PHAF1: variants seen among roughly 807,000 people sequenced by gnomAD.
The protein encoded by PHAF1 is phagosome assembly factor 1.
In PHAF1, 23 loss-of-function variants were observed where a neutral mutation model predicts 63.1. That is an observed-to-expected ratio of 0.36 (90% CI 0.26 to 0.52). PHAF1 has a LOEUF of 0.52. PHAF1 is among the 20% of genes least tolerant of loss of function. The pLI is 0.93. For synonymous variants in PHAF1, 167 were observed against 185.0 expected (o/e 0.90, Z 0.79); for missense variants, 427 against 517.2 (o/e 0.83, Z 1.69).
chr16:67,145,284 C>A, intron 12 of PHAF1, 92 bp from the exon 13 acceptor site: 1 of 1,438,714 alleles, frequency 7.0e-7, no homozygotes, highest in Non-Finnish European at 9.6e-7. Context: ...AACCCCAGTG[C>A]AAAGGGACAC....
intron 10 of PHAF1, 78 bp downstream of exon 10, chr16:67,140,672 A>C (rs896291048): frequency 4.4e-6 from 5 of 1,135,638 alleles, no homozygotes; most frequent in Non-Finnish European, 6.7e-6. Flanking sequence ...GTGTGTCCAC[A>C]TGCAGCTGGA....
At chr16:67,146,107 G>A (rs1350949656) in intron 14 of PHAF1, among the ~76,000 whole-genome samples, 171 bp from the exon 15 acceptor site, 2 of 152,102 alleles carry the variant, frequency 1.3e-5, no homozygotes, top group African/African-American at 2.4e-5. Context: ...TCTGAGTTGA[G>A]TGAGACCATC....
chr16:67,121,065 A>C (rs1172068340), intron 2 of PHAF1, among the ~76,000 whole-genome samples: 1 of 152,294 alleles, frequency 6.6e-6, no homozygotes, highest in East Asian at 1.9e-4. Flanking sequence ...ATCTGATAGA[A>C]GACATGCTTA....
In PHAF1 at chr16:67,134,348, T is replaced by C. The variant is rs1021618679; in HGVS notation, c.549-7T>C. ...CAAGCCTCTGCTCATTCTGTGTCTG[T>C]CCCCAGGGCTCCCATGATGCCTCTG... On this transcript the variant is annotated splice_polypyrimidine_tract_variant and splice_region_variant and intron_variant, in intron 7 of 15. Coordinates refer to ENST00000219139, the MANE Select transcript of PHAF1 (RefSeq NM_025187.5). 2 of 1,611,322 alleles carry C rather than the reference T, an allele frequency of 1.2e-6. No individual in the cohort carries two copies. Among genetic ancestry groups the C allele is most frequent in the African/African-American group, 2.7e-5 (2 of 74,864 alleles).
chr16:67,131,593 G>T (rs1323673247), intron 4 of PHAF1, among the ~76,000 whole-genome samples: 2 of 152,232 alleles, frequency 1.3e-5, no homozygotes, highest in African/African-American at 4.8e-5. Context: ...GCTCAGAGGT[G>T]ATGTGACAGT....
At chr16:67,110,487 T>C (rs779439065) in intron 1 of PHAF1, among the ~76,000 whole-genome samples, 11 of 152,136 alleles carry the variant, frequency 7.2e-5, no homozygotes, top group Non-Finnish European at 1.5e-4. Flanking sequence ...AAGACAATAA[T>C]AGCTTGCTCT....
intron 8 of PHAF1, among the ~76,000 whole-genome samples, chr16:67,138,199 G>A (rs1963678681): frequency 6.6e-6 from 1 of 152,160 alleles, no homozygotes; most frequent in Non-Finnish European, 1.5e-5. Flanking sequence ...CTGAAGAAAT[G>A]TGTTAGGCCA....
At chr16:67,122,196 G>A (rs757935170) in intron 2 of PHAF1, among the ~76,000 whole-genome samples, 15 of 152,080 alleles carry the variant, frequency 9.9e-5, no homozygotes, top group Non-Finnish European at 1.6e-4. Flanking sequence ...CACCGTGACC[G>A]GCCAAAATGT....
At chr16:67,127,721 G>C (rs1019116098) in intron 3 of PHAF1, among the ~76,000 whole-genome samples, 7 of 151,996 alleles carry the variant, frequency 4.6e-5, no homozygotes, top group Non-Finnish European at 1.0e-4. Flanking sequence ...GCGTGAACCC[G>C]GGAGGCAGAG....
chr16:67,132,721 G>C (rs760800116), intron 5 of PHAF1, 96 bp from the exon 6 acceptor site: 1 of 1,233,138 alleles, frequency 8.1e-7, no homozygotes, highest in Non-Finnish European at 1.2e-6. Context: ...CCACAGGGAA[G>C]GTGTTGTCAG....
rs757074411 is a variant in PHAF1, at chr16:67,132,804, C to G, written c.356-13C>G. ...GTCAACCATGTTATTTTCTTCTCCC[C>G]CACCCCCAACAGTGTACAACTCCGC... On this transcript the variant is annotated splice_polypyrimidine_tract_variant and intron_variant, in intron 5 of 15. Transcript: ENST00000219139. 6.3e-7 allele frequency: 1 copy of G among 1,596,592 alleles called. No homozygotes were observed. Among genetic ancestry groups the G allele is most frequent in the Non-Finnish European group, 8.6e-7 (1 of 1,164,006 alleles).
chr16:67,129,459 G>A (rs188362436), intron 3 of PHAF1, among the ~76,000 whole-genome samples: 1 of 152,340 alleles, frequency 6.6e-6, no homozygotes, highest in East Asian at 1.9e-4. Context: ...ATCCAATTTG[G>A]TTCAGTGTTG....
At chr16:67,145,903 G>A (rs987315554) in intron 14 of PHAF1, among the ~76,000 whole-genome samples, 2 of 152,188 alleles carry the variant, frequency 1.3e-5, no homozygotes, top group African/African-American at 4.8e-5. Context: ...CAATAAGGAA[G>A]GAGGGCTTGG....
intron 1 of PHAF1, among the ~76,000 whole-genome samples, chr16:67,115,799 A>T (rs1962710701): frequency 1.3e-5 from 2 of 152,114 alleles, no homozygotes; most frequent in African/African-American, 4.8e-5. Flanking sequence ...GTGACTCAGG[A>T]TCCTAAGATC....
intron 15 of PHAF1, 67 bp downstream of exon 15, chr16:67,146,417 T>C: frequency 6.7e-7 from 1 of 1,499,366 alleles, no homozygotes; most frequent in Non-Finnish European, 9.3e-7. Context: ...GCCAGGTGAA[T>C]GATGGAGGGA....
chr16:67,115,772 G>T (rs1200927038), intron 1 of PHAF1, among the ~76,000 whole-genome samples: 1 of 152,132 alleles, frequency 6.6e-6, no homozygotes, highest in African/African-American at 2.4e-5. Context: ...GTCTCCTCTG[G>T]GTGAGTTTCT....
intron 3 of PHAF1, among the ~76,000 whole-genome samples, chr16:67,126,325 G>T (rs568627684): frequency 1.3e-5 from 2 of 152,200 alleles, no homozygotes; most frequent in East Asian, 3.9e-4. Flanking sequence ...ACATGCTGTG[G>T]GGAGGGGGCT....
chr16:67,120,476 C>T (rs1188411211), intron 2 of PHAF1, among the ~76,000 whole-genome samples: 1 of 151,758 alleles, frequency 6.6e-6, no homozygotes, highest in East Asian at 1.9e-4. Context: ...AGTGGTAGGT[C>T]GCTTCAGAGG....
intron 10 of PHAF1, among the ~76,000 whole-genome samples, chr16:67,143,274 C>T (rs551123592): frequency 1.6e-4 from 24 of 152,312 alleles, no homozygotes; most frequent in Admixed American, 2.6e-4. Flanking sequence ...TGGTGGCTCA[C>T]GCCTGTAATC....
Sources: gnomAD v4.1 joint callset for allele counts (sites outside exome capture counted in the v4.1 genomes callset) on GRCh38, gnomAD v4.1.1 for gene constraint, MANE v1.5 for transcripts, NCBI Gene and HGNC (gene_info 2026-07-23, HGNC 2026-07-21) for gene names.